The following ATP1A4 variants were observed in gnomAD, a reference collection of about 807,000 sequenced individuals.
ATP1A4 encodes the protein sodium/potassium-transporting ATPase subunit alpha-4.
A neutral mutation model predicts 114.3 loss-of-function variants in ATP1A4; 90 were observed. The ratio of observed to expected loss-of-function variants is 0.79; its 90% CI spans 0.66 to 0.94. The LOEUF (loss-of-function observed/expected upper bound fraction) is 0.94, where lower values mean the gene tolerates loss of function less well. Ranked by LOEUF, ATP1A4 falls within the 40% of genes least tolerant of loss-of-function variation. ATP1A4 has a pLI of 0.00. For missense variants in ATP1A4, 1,222 were observed against 1,313.6 expected (o/e 0.93, Z 1.08); for synonymous variants, 511 against 494.1 (o/e 1.03, Z -0.45).
rs202203743 is a variant in ATP1A4 at position 160,181,825 on chromosome 1, C to G, written c.2867+11C>G. ...CCAGCAGGGCATGAGGTGAACATCT[C>G]ACAAAACAGCCCAGCACTCTCCCAA... On this transcript the variant is annotated intron_variant, in intron 19 of 21. Coordinates refer to ENST00000368081, the MANE Select transcript of ATP1A4 (RefSeq NM_144699.4). 1.9e-4 allele frequency: 299 copies of G among 1,555,316 alleles called. No homozygotes were observed. In the African/African-American group the frequency reaches 4.5e-3, roughly 24 times the overall value.
rs1376019202 is a variant in ATP1A4, at chr1:160,164,348, G to A, written c.971G>A (p.Gly324Asp). 7 of 1,614,134 alleles carry A rather than the reference G, an allele frequency of 4.3e-6. No individual in the cohort carries two copies. The Admixed American group carries it at 6.7e-5, about 15-fold the overall frequency. Residue 324 changes from glycine (G) to aspartate (D), a missense_variant, in exon 7 of 22, where the codon GGT (glycine) becomes GAT (aspartate). Coordinates refer to ENST00000368081, the MANE Select transcript of ATP1A4 (RefSeq NM_144699.4). Reference protein sequence around the residue: ...FFALSLLLGYGWLEAIIFLIG... With the variant: ...FFALSLLLGYDWLEAIIFLIG... ...GCGCTCTCACTTCTCTTGGGCTATG[G>A]TTGGCTGGAGGCTATCATTTTTCTC...
chr1:160,176,011 G>A (rs1209103373), intron 15 of ATP1A4, 81 bp from the exon 16 acceptor site: 28 of 1,430,948 alleles, frequency 2.0e-5, no homozygotes, highest in Non-Finnish European at 2.7e-5. Context: ...CTTCTTTGAG[G>A]TGGCCTGTCT....
chr1:160,185,486 C>T (rs1228530822), intron 20 of ATP1A4, among the ~76,000 whole-genome samples: 4 of 152,096 alleles, frequency 2.6e-5, no homozygotes, highest in African/African-American at 9.7e-5. Context: ...GATTTGACCT[C>T]CTCAAAGGTA....
At chr1:160,170,103 A>G (rs1653190603) in intron 10 of ATP1A4, 1 of 152,076 alleles carries the variant, frequency 6.6e-6, no homozygotes, top group Non-Finnish European at 1.5e-5. Context: ...AGGCTGACCA[A>G]CATGGTGAAA....
intron 6 of ATP1A4, among the ~76,000 whole-genome samples, chr1:160,163,827 G>T (rs1283964568): frequency 6.6e-6 from 1 of 152,006 alleles, no homozygotes; most frequent in Non-Finnish European, 1.5e-5. Flanking sequence ...ATGGTTATCT[G>T]CCCTGGCCAC....
chr1:160,177,688 A>T (rs1420720175), intron 18 of ATP1A4, 24 bp downstream of exon 18: 1 of 1,612,918 alleles, frequency 6.2e-7, no homozygotes, highest in Admixed American at 1.7e-5. Context: ...ATAAGGTAGG[A>T]GCTGAGACCA....
At chr1:160,166,866 AT>A (rs1653059210) in intron 8 of ATP1A4, 101 bp from the exon 9 acceptor site, 7 of 1,497,902 alleles carry the variant, frequency 4.7e-6, no homozygotes, top group Non-Finnish European at 5.5e-6. Context: ...AGGAAAAGAA[AT>A]GCTGCTCCTG....
chr1:160,184,375 G>A (rs896835774), intron 20 of ATP1A4, among the ~76,000 whole-genome samples: 3 of 151,892 alleles, frequency 2.0e-5, no homozygotes, highest in African/African-American at 4.8e-5. Flanking sequence ...GTGAGACATC[G>A]TCTCAATAAA....
intron 12 of ATP1A4, among the ~76,000 whole-genome samples, chr1:160,172,726 G>A (rs1653308085): frequency 6.6e-6 from 1 of 152,170 alleles, no homozygotes; most frequent in Admixed American, 6.5e-5. Flanking sequence ...AGGAGAACTA[G>A]GTGTTCTCTG....
In ATP1A4 at chr1:160,153,169, A is replaced by G. The variant is rs1652517229; in HGVS notation, c.152A>G (p.Asp51Gly). 6.2e-7 allele frequency: 1 copy of G among 1,613,922 alleles called. No individual in the cohort carries two copies. Among genetic ancestry groups the G allele is most frequent in the East Asian group, 2.2e-5 (1 of 44,876 alleles). Reference sequence around the variant, plus strand: ...ATGCCTCTACTGTCCCCTCAGGATGATCACAAATTAACCTTGGAAGAGCTG... The same window carrying G: ...ATGCCTCTACTGTCCCCTCAGGATGGTCACAAATTAACCTTGGAAGAGCTG... ...EELKKEVVMD[D>G]HKLTLEELST... Residue 51 changes from aspartate (D) to glycine (G), a missense_variant, in exon 2 of 22, where the codon GAT becomes GGT. Transcript: ENST00000368081.
chr1:160,175,323 T>C (rs537547338), intron 15 of ATP1A4, among the ~76,000 whole-genome samples: 75 of 152,248 alleles, frequency 4.9e-4, no homozygotes, highest in African/African-American at 1.7e-3. Context: ...CTAAAACATA[T>C]GGCAATCCAC....
chr1:160,176,172 A>T lies in ATP1A4; in HGVS notation c.2392A>T (p.Met798Leu). Reference sequence around the variant, plus strand: ...CATCCCCGAGATCACGCCCTTCCTGATGTTCATCATCCTCGGTATACCCCT... The same window carrying T: ...CATCCCCGAGATCACGCCCTTCCTGTTGTTCATCATCCTCGGTATACCCCT... ...SNIPEITPFLMFIILGIPLPL... is the reference protein window; with the variant it reads ...SNIPEITPFLLFIILGIPLPL... Residue 798 changes from methionine (M) to leucine (L), a missense_variant, in exon 16 of 22, where the codon ATG (methionine) becomes TTG (leucine). By Grantham distance (15) the Met-to-Leu change is conservative (BLOSUM62 2). Coordinates refer to ENST00000368081, the MANE Select transcript of ATP1A4 (RefSeq NM_144699.4). The T allele has an allele frequency of 6.2e-7, 1 of 1,613,968 alleles. No individual in the cohort carries two copies. The highest frequency in any genetic ancestry group is 8.5e-7 in the Non-Finnish European group (1 of 1,179,980).
At chr1:160,165,495 C>T (rs1334214708) in intron 7 of ATP1A4, among the ~76,000 whole-genome samples, 2 of 152,208 alleles carry the variant, frequency 1.3e-5, no homozygotes, top group African/African-American at 4.8e-5. Context: ...CGCGGTGGCT[C>T]ACACCTGTAA....
chr1:160,153,307 C>A, intron 2 of ATP1A4, 83 bp downstream of exon 2: 1 of 1,279,984 alleles, frequency 7.8e-7, no homozygotes, highest in South Asian at 1.2e-5. Context: ...ACTAGGAATC[C>A]AGCCCCCTAA....
At chr1:160,169,125 G>A (rs771238465) in intron 10 of ATP1A4, among the ~76,000 whole-genome samples, 2 of 152,148 alleles carry the variant, frequency 1.3e-5, no homozygotes, top group Non-Finnish European at 2.9e-5. Context: ...CCCACTGGCC[G>A]CCAAGCTCTG....
At chr1:160,181,654 C>A (rs1653709208) in intron 18 of ATP1A4, 30 bp from the exon 19 acceptor site, 1 of 1,612,598 alleles carries the variant, frequency 6.2e-7, no homozygotes, top group African/African-American at 1.3e-5. Flanking sequence ...CCCCTTCTGA[C>A]ACTGTTTCCT....
intron 10 of ATP1A4, chr1:160,170,801 T>TTCAAGACTA (rs1653222380): frequency 6.5e-6 from 1 of 154,384 alleles, no homozygotes; most frequent in Non-Finnish European, 1.4e-5. Context: ...GCCAGGCTAG[T>TTCAAGACTA]CTTGAACTCC....
At chr1:160,154,662 A>G (rs1652572560) in intron 2 of ATP1A4, among the ~76,000 whole-genome samples, 1 of 152,192 alleles carries the variant, frequency 6.6e-6, no homozygotes, top group South Asian at 2.1e-4. Context: ...ATTAAGTATT[A>G]TATTTCATCA....
At chr1:160,186,549 C>T (rs1653902433) in intron 21 of ATP1A4, 122 bp from the exon 22 acceptor site, 2 of 1,213,288 alleles carry the variant, frequency 1.6e-6, no homozygotes, top group East Asian at 2.5e-5. Flanking sequence ...CCATCTGACC[C>T]TCAGTGCCCT....
Sources: gnomAD v4.1 joint callset for allele counts (sites outside exome capture counted in the v4.1 genomes callset) on GRCh38, gnomAD v4.1.1 for gene constraint, MANE v1.5 for transcripts, NCBI Gene and HGNC (gene_info 2026-07-23, HGNC 2026-07-21) for gene names.